The following CDH13 variants were observed in gnomAD, a reference collection of about 807,000 sequenced individuals.
CDH13 encodes the protein cadherin-13.
Under a neutral mutation model 63.8 loss-of-function variants are expected in CDH13, and 24 were observed. That is an observed-to-expected ratio of 0.38 (90% confidence interval 0.27 to 0.53). CDH13 has a LOEUF of 0.53. Ranked by LOEUF, CDH13 falls within the 20% of genes least tolerant of loss-of-function variation. The pLI is 0.85. For missense variants in CDH13, 1,049 were observed against 903.1 expected (o/e 1.16, Z -2.07); for synonymous variants, 503 against 355.3 (o/e 1.42, Z -4.67).
At chr16:82,870,065 G>C (rs2040290869) in intron 2 of CDH13, among the ~76,000 whole-genome samples, 1 of 151,864 alleles carries the variant, frequency 6.6e-6, no homozygotes, top group Non-Finnish European at 1.5e-5. Context: ...AAATATTTGA[G>C]AACCACCCGT....
chr16:83,697,031 C>A (rs531161926), intron 10 of CDH13, among the ~76,000 whole-genome samples: 1 of 152,346 alleles, frequency 6.6e-6, no homozygotes, highest in South Asian at 2.1e-4. Flanking sequence ...CCTCAAACTT[C>A]TTTCCCATTC....
At chr16:83,763,925 C>T (rs552028559) in intron 11 of CDH13, among the ~76,000 whole-genome samples, 13 of 152,224 alleles carry the variant, frequency 8.5e-5, no homozygotes, top group Non-Finnish European at 1.5e-4. Context: ...CCATCTACAC[C>T]TCAGGATGAG....
chr16:82,889,889 C>T (rs552846092), intron 2 of CDH13, among the ~76,000 whole-genome samples: 2 of 152,204 alleles, frequency 1.3e-5, no homozygotes, highest in African/African-American at 4.8e-5. Context: ...GAGATGCTTG[C>T]TCAAGAGAGT....
chr16:82,910,166 G>A (rs539464538), intron 2 of CDH13, among the ~76,000 whole-genome samples: 1 of 152,272 alleles, frequency 6.6e-6, no homozygotes, highest in South Asian at 2.1e-4. Flanking sequence ...TCAGAATCCT[G>A]CTGCTGACCT....
chr16:83,197,546 C>G (rs1217954361), intron 4 of CDH13, among the ~76,000 whole-genome samples: 3 of 152,054 alleles, frequency 2.0e-5, no homozygotes, highest in Non-Finnish European at 4.4e-5. Flanking sequence ...CCCCTCCCCA[C>G]CCTCAATTAA....
At position 83,005,522 on chromosome 16, in the gene CDH13, G is replaced by C. The variant is rs186624839; in HGVS notation, c.158-26488G>C. On this transcript the variant is annotated intron_variant, in intron 2 of 13. Coordinates refer to ENST00000567109, the MANE Select transcript of CDH13 (RefSeq NM_001257.5). Reference sequence around the variant, plus strand: ...TCAGGCCTTCAGATGCCCAATTTCTGTGTAGAGCTTTGAGCAGTGTTTTCC... The same window carrying C: ...TCAGGCCTTCAGATGCCCAATTTCTCTGTAGAGCTTTGAGCAGTGTTTTCC... Among the ~76,000 whole-genome samples, 162 of 152,208 alleles carry C rather than the reference G, an allele frequency of 1.1e-3. 1 individual carries two copies. Among genetic ancestry groups the C allele is most frequent in the African/African-American group, 3.8e-3 (158 of 41,532 alleles).
At chr16:82,774,392 T>G (rs1041268847) in intron 1 of CDH13, among the ~76,000 whole-genome samples, 6 of 152,048 alleles carry the variant, frequency 3.9e-5, no homozygotes, top group Non-Finnish European at 1.5e-5. Flanking sequence ...TTACACTAGC[T>G]ATCTCATAGG....
At chr16:82,909,767 C>G (rs1216151350) in intron 2 of CDH13, among the ~76,000 whole-genome samples, 1 of 152,200 alleles carries the variant, frequency 6.6e-6, no homozygotes, top group East Asian at 1.9e-4. Context: ...TATGGGAGAT[C>G]TCATCTTATT....
intron 4 of CDH13, among the ~76,000 whole-genome samples, chr16:83,199,545 G>A (rs941716000): frequency 3.9e-5 from 6 of 152,218 alleles, no homozygotes; most frequent in South Asian, 2.1e-4. Flanking sequence ...AAATGCACAC[G>A]TAGCTTTAGC....
At chr16:83,308,636 G>T (rs1271402379) in intron 5 of CDH13, among the ~76,000 whole-genome samples, 2 of 152,190 alleles carry the variant, frequency 1.3e-5, no homozygotes, top group Admixed American at 6.5e-5. Context: ...ACAGATCCAT[G>T]GAAAGAACCT....
intron 7 of CDH13, among the ~76,000 whole-genome samples, chr16:83,555,326 A>C (rs1164317046): frequency 3.9e-5 from 6 of 152,210 alleles, no homozygotes; most frequent in African/African-American, 1.4e-4. Flanking sequence ...AAACACCTGG[A>C]AGATTTTTAG....
At chr16:83,056,042 A>C (rs2030894593) in intron 3 of CDH13, among the ~76,000 whole-genome samples, 1 of 152,206 alleles carries the variant, frequency 6.6e-6, no homozygotes, top group Admixed American at 6.5e-5. Flanking sequence ...CAATGGAGGA[A>C]ATATTTAACA....
At chr16:83,212,190 T>C (rs1567510314) in intron 4 of CDH13, among the ~76,000 whole-genome samples, 1 of 152,114 alleles carries the variant, frequency 6.6e-6, no homozygotes, top group Non-Finnish European at 1.5e-5. Flanking sequence ...GGAAACACAC[T>C]TGATTTGCAT....
chr16:83,303,100 T>A (rs922855152), intron 5 of CDH13, among the ~76,000 whole-genome samples: 5 of 152,230 alleles, frequency 3.3e-5, no homozygotes, highest in Non-Finnish European at 7.3e-5. Flanking sequence ...ATCTCTTTTA[T>A]CTGTCATCTT....
rs372447871 is a variant in CDH13 at position 83,627,254 on chromosome 16, C to T, written c.1101+24660C>T. On this transcript the variant is annotated intron_variant, in intron 8 of 13. Coordinates refer to ENST00000567109, the MANE Select transcript of CDH13 (RefSeq NM_001257.5). ...GCAGTGAGCCGAGATTGTGCGCCTG[C>T]ACTCCAGCCTGGGCAACAGAGTGAG... Among the ~76,000 whole-genome samples the T allele has an allele frequency of 1.9e-3, 289 of 152,256 alleles. 1 individual carries two copies. Among genetic ancestry groups the T allele is most frequent in the African/African-American group, 6.5e-3 (269 of 41,566 alleles).
At chr16:83,175,521 C>T (rs1483079049) in intron 4 of CDH13, among the ~76,000 whole-genome samples, 1 of 152,072 alleles carries the variant, frequency 6.6e-6, no homozygotes, top group African/African-American at 2.4e-5. Flanking sequence ...GGGGGCACCA[C>T]TGACTGAATC....
At chr16:82,759,548 A>G (rs1344121519) in intron 1 of CDH13, among the ~76,000 whole-genome samples, 3 of 150,296 alleles carry the variant, frequency 2.0e-5, no homozygotes, top group Non-Finnish European at 4.4e-5. Context: ...ATGTATATGT[A>G]TAATATAACA....
At chr16:82,943,537 T>C (rs1344412100) in intron 2 of CDH13, among the ~76,000 whole-genome samples, 1 of 152,212 alleles carries the variant, frequency 6.6e-6, no homozygotes, top group Non-Finnish European at 1.5e-5. Context: ...AATAGGCCCT[T>C]TCTTCCTTCC....
intron 5 of CDH13, among the ~76,000 whole-genome samples, chr16:83,324,038 TTC>T (rs1491444916): frequency 2.2e-5 from 3 of 136,362 alleles, no homozygotes; most frequent in East Asian, 4.0e-4. Context: ...TTTCTTCTTC[TTC>T]TTTTTTTTTT....
Sources: gnomAD v4.1 joint callset for allele counts (sites outside exome capture counted in the v4.1 genomes callset) on GRCh38, gnomAD v4.1.1 for gene constraint, MANE v1.5 for transcripts, NCBI Gene and HGNC (gene_info 2026-07-23, HGNC 2026-07-21) for gene names.